The following IL16 variants were observed in gnomAD, a reference collection of about 807,000 sequenced individuals.
The protein encoded by IL16 is pro-interleukin-16.
A neutral mutation model predicts 110.1 loss-of-function variants in IL16; 67 were observed. That is an observed-to-expected ratio of 0.61 (90% CI 0.50 to 0.75). The LOEUF (loss-of-function observed/expected upper bound fraction) is 0.75, where lower values mean the gene tolerates loss of function less well. Among genes scored for constraint, IL16 ranks in the 30% least tolerant of loss-of-function variants. IL16 has a pLI of 0.00. For synonymous variants in IL16, 689 were observed against 662.9 expected (o/e 1.04, Z -0.61); for missense variants, 1,545 against 1,655.0 (o/e 0.93, Z 1.15).
Position 81,285,648 on chromosome 15 carries a change from A to G in IL16, c.1200-50A>G, listed in dbSNP as rs760203667. 4.4e-6 allele frequency: 7 copies of G among 1,605,838 alleles called. No individual in the cohort carries two copies. The East Asian group carries it at 1.3e-4, about 31-fold the overall frequency. ...GGGCCCCTGGGGCAGTGACTGTTCA[A>G]ATGTCTCATTGATTCACTTACTGAT... On this transcript the variant is annotated intron_variant, in intron 9 of 18. Coordinates refer to ENST00000683961, the MANE Select transcript of IL16 (RefSeq NM_172217.5).
At chr15:81,203,131 A>G (rs1363991748) in intron 1 of IL16, among the ~76,000 whole-genome samples, 1 of 151,038 alleles carries the variant, frequency 6.6e-6, no homozygotes, top group East Asian at 1.9e-4. Flanking sequence ...TTCTTTTGAG[A>G]AGTGTCTGTT....
intron 9 of IL16, among the ~76,000 whole-genome samples, chr15:81,283,907 G>C (rs1049925408): frequency 6.6e-6 from 1 of 151,670 alleles, no homozygotes; most frequent in African/African-American, 2.4e-5. Flanking sequence ...GGAGGCTGAG[G>C]CAGGAGGCTC....
At chr15:81,191,801 G>A (rs954356701) in intron 1 of IL16, among the ~76,000 whole-genome samples, 8 of 152,152 alleles carry the variant, frequency 5.3e-5, no homozygotes, top group Admixed American at 5.2e-4. Flanking sequence ...GGGTGACAAG[G>A]GCATGGCTTA....
At chr15:81,284,078 A>G (rs914320145) in intron 9 of IL16, among the ~76,000 whole-genome samples, 2 of 151,916 alleles carry the variant, frequency 1.3e-5, no homozygotes, top group African/African-American at 2.4e-5. Context: ...CATAAACAAT[A>G]TATTTCTGGG....
At chr15:81,209,879 A>T (rs946052510) in intron 1 of IL16, among the ~76,000 whole-genome samples, 1 of 152,226 alleles carries the variant, frequency 6.6e-6, no homozygotes, top group African/African-American at 2.4e-5. Context: ...CAACATCTGG[A>T]ATTGTCACTT....
intron 1 of IL16, 86 bp downstream of exon 1, chr15:81,197,238 G>A (rs1895629173): frequency 1.1e-6 from 1 of 921,994 alleles, no homozygotes. Context: ...TGAATGGGGA[G>A]GGTCTTGGTT....
At chr15:81,214,639 T>C (rs1896361399) in intron 1 of IL16, among the ~76,000 whole-genome samples, 1 of 152,162 alleles carries the variant, frequency 6.6e-6, no homozygotes, top group African/African-American at 2.4e-5. Context: ...GCCAGGGTTC[T>C]CTATATTTCT....
rs1023481643 is a variant in IL16, at chr15:81,283,989, C to T, written c.1199+1233C>T. Reference sequence around the variant, plus strand: ...TTGCACTTCAGCCTGGGCAACAGAGCAAGACCCTGTCTCAGAAAAAAAAAA... The same window carrying T: ...TTGCACTTCAGCCTGGGCAACAGAGTAAGACCCTGTCTCAGAAAAAAAAAA... On this transcript the variant is annotated intron_variant, in intron 9 of 18. Transcript: ENST00000683961. Among the ~76,000 whole-genome samples the T allele has an allele frequency of 4.2e-5, 5 of 118,692 alleles. No homozygotes were observed. In the Admixed American group the frequency reaches 5.1e-4, roughly 12 times the overall value. The allele number at this position is 118,692 out of a possible 152,430, so 77.9% of individuals were successfully genotyped here.
Position 81,293,679 on chromosome 15 carries a change from G to T in IL16, c.1902+642G>T, listed in dbSNP as rs1899851470. Among the ~76,000 whole-genome samples the T allele has an allele frequency of 1.3e-5, 2 of 152,178 alleles. 1 individual carries two copies. Among genetic ancestry groups the T allele is most frequent in the South Asian group, 4.1e-4 (2 of 4,830 alleles). On this transcript the variant is annotated intron_variant, in intron 12 of 18. Coordinates refer to ENST00000683961, the MANE Select transcript of IL16 (RefSeq NM_172217.5). Reference sequence around the variant, plus strand: ...GTGAGGATTAAAGGTAACCACTTAAGGCAAGTACCTGACAGCATCTCAGGC... The same window carrying T: ...GTGAGGATTAAAGGTAACCACTTAATGCAAGTACCTGACAGCATCTCAGGC...
At chr15:81,271,527 G>A (rs1898640788) in intron 5 of IL16, among the ~76,000 whole-genome samples, 1 of 152,050 alleles carries the variant, frequency 6.6e-6, no homozygotes, top group South Asian at 2.1e-4. Context: ...GGGGGACCTG[G>A]GAGGTTGCAG....
chr15:81,225,550 C>G lies in IL16; in HGVS notation c.151C>G (p.Gln51Glu), dbSNP rs764866226. Residue 51 changes from glutamine (Q) to glutamate (E), a missense_variant, in exon 2 of 19, where the codon CAG (glutamine) becomes GAG (glutamate). This residue lies in a region of IL16 where 1,185 missense variants were observed against 1,238.8 expected (regional missense o/e 0.96). Transcript: ENST00000683961. Reference protein sequence around the residue: ...YPDPFEISLAQGKEGIFHSSV... With the variant: ...YPDPFEISLAEGKEGIFHSSV... ...TGATCCCTTTGAGATTTCCTTGGCC[C>G]AGGGCAAGGAGGGAATTTTCCACTC... 1 of 1,614,072 alleles carries G rather than the reference C, an allele frequency of 6.2e-7. No individual in the cohort carries two copies. The highest frequency in any genetic ancestry group is 1.1e-5 in the South Asian group (1 of 91,074).
At chr15:81,194,380 A>G (rs956402063), upstream of IL16, among the ~76,000 whole-genome samples, 5 of 152,068 alleles carry the variant, frequency 3.3e-5, no homozygotes, top group Non-Finnish European at 7.4e-5. Context: ...ACAAACATGT[A>G]TTACTTTTAT....
chr15:81,256,831 G>A (rs762237446), intron 2 of IL16, among the ~76,000 whole-genome samples: 5 of 152,024 alleles, frequency 3.3e-5, no homozygotes, highest in Non-Finnish European at 7.4e-5. Context: ...CAATGGACCC[G>A]AAAAAATTAA....
intron 9 of IL16, 132 bp downstream of exon 9, chr15:81,282,888 C>T: frequency 1.3e-6 from 1 of 785,904 alleles, no homozygotes; most frequent in South Asian, 1.5e-5. Flanking sequence ...GCCGCTCCGC[C>T]CGCCAGGACA....
Position 81,265,672 on chromosome 15 carries a change from T to C in IL16, c.435T>C (p.Tyr145=), listed in dbSNP as rs1300990472. Residue 145 remains tyrosine, a synonymous_variant, in exon 4 of 19, where the codon TAT becomes TAC. Transcript: ENST00000683961. ...CTTCTGGTTTAGGTGTTAATCCCTA[T>C]TGCACAAGAGAAATTGATTTTCCAA... ...ARSNSTSVNP[Y]CTREIDFPMT... 4 of 1,613,940 alleles carry C rather than the reference T, an allele frequency of 2.5e-6. No homozygotes were observed. Among genetic ancestry groups the C allele is most frequent in the Admixed American group, 1.7e-5 (1 of 59,996 alleles).
intron 13 of IL16, 89 bp downstream of exon 13, chr15:81,297,167 A>G: frequency 1.5e-6 from 2 of 1,313,642 alleles, no homozygotes; most frequent in Non-Finnish European, 2.1e-6. Context: ...CCTGAGGATC[A>G]GAGTGCTCTG....
chr15:81,228,089 A>G (rs932082703), intron 2 of IL16, among the ~76,000 whole-genome samples: 5 of 152,076 alleles, frequency 3.3e-5, no homozygotes, highest in Non-Finnish European at 4.4e-5. Context: ...TTCCAGGCGA[A>G]GGGACATGCG....
intron 1 of IL16, among the ~76,000 whole-genome samples, chr15:81,205,439 A>G (rs910365796): frequency 3.3e-5 from 5 of 152,198 alleles, no homozygotes; most frequent in African/African-American, 4.8e-5. Flanking sequence ...CATTCTTGCA[A>G]TCAATGAAGA....
chr15:81,301,136 T>A (rs1338835993), intron 14 of IL16, among the ~76,000 whole-genome samples: 1 of 152,248 alleles, frequency 6.6e-6, no homozygotes, highest in Non-Finnish European at 1.5e-5. Context: ...AAAGTAGCTC[T>A]GCATTTATTA....
Sources: allele counts gnomAD v4.1 joint callset (sites outside exome capture counted in the v4.1 genomes callset), GRCh38; gene constraint gnomAD v4.1.1; regional missense constraint gnomAD v4.1.1; transcripts MANE v1.5; gene names NCBI Gene and HGNC (gene_info 2026-07-23, HGNC 2026-07-21).